Variants in GRIA4 observed in about 807,000 individuals in gnomAD.
The protein encoded by GRIA4 is glutamate receptor 4.
A neutral mutation model predicts 104.0 loss-of-function variants in GRIA4; 34 were observed. That is an observed-to-expected ratio of 0.33 (90% CI 0.25 to 0.44). The LOEUF (loss-of-function observed/expected upper bound fraction) is 0.44. Among genes scored for constraint, GRIA4 ranks in the 20% least tolerant of loss-of-function variants. The pLI is 1.00. For missense variants in GRIA4, 750 were observed against 1,096.5 expected, an observed-to-expected ratio of 0.68 and a Z score of 4.46; for synonymous variants, 386 against 381.9, an observed-to-expected ratio of 1.01 and a Z score of -0.13.
chr11:105,894,462 G>A (rs918059043), intron 6 of GRIA4, among the ~76,000 whole-genome samples: 1 of 152,024 alleles, frequency 6.6e-6, no homozygotes, highest in Admixed American at 6.6e-5. Flanking sequence ...TGTGTAATAC[G>A]CTTAGCACAA....
chr11:105,703,069 A>G (rs1953562774), intron 3 of GRIA4, among the ~76,000 whole-genome samples: 1 of 152,142 alleles, frequency 6.6e-6, no homozygotes, highest in African/African-American at 2.4e-5. Context: ...TTTTTCACAT[A>G]TAATTATGTA....
At chr11:105,699,261 T>C (rs1195049871) in intron 3 of GRIA4, among the ~76,000 whole-genome samples, 2 of 152,170 alleles carry the variant, frequency 1.3e-5, no homozygotes, top group Non-Finnish European at 2.9e-5. Flanking sequence ...GACAAACCCC[T>C]TCCTAGAAAT....
chr11:105,701,503 C>A (rs990674147), intron 3 of GRIA4, among the ~76,000 whole-genome samples: 10 of 151,946 alleles, frequency 6.6e-5, no homozygotes, highest in African/African-American at 2.2e-4. Flanking sequence ...TATTTTGAAG[C>A]ACAACACATC....
intron 4 of GRIA4, among the ~76,000 whole-genome samples, chr11:105,841,408 T>G (rs1944391438): frequency 2.6e-5 from 4 of 152,198 alleles, no homozygotes; most frequent in Admixed American, 2.6e-4. Context: ...AGCCTGTGGA[T>G]GATTGGCACT....
intron 14 of GRIA4, among the ~76,000 whole-genome samples, chr11:105,959,575 T>C (rs887880944): frequency 1.3e-5 from 2 of 152,204 alleles, no homozygotes; most frequent in Non-Finnish European, 2.9e-5. Context: ...GTAGTTTTTA[T>C]TACCTATCTT....
chr11:105,654,609 G>A (rs191488236), intron 3 of GRIA4, among the ~76,000 whole-genome samples: 36 of 152,188 alleles, frequency 2.4e-4, no homozygotes, highest in Admixed American at 5.9e-4. Context: ...AATGATTACT[G>A]TGTCAATCTG....
intron 4 of GRIA4, among the ~76,000 whole-genome samples, chr11:105,861,348 C>T (rs1945218048): frequency 6.6e-6 from 1 of 152,126 alleles, no homozygotes. Context: ...TCCGGCTACA[C>T]ACTTTTTAAA....
At chr11:105,742,193 C>G (rs1939355851) in intron 3 of GRIA4, among the ~76,000 whole-genome samples, 1 of 152,078 alleles carries the variant, frequency 6.6e-6, no homozygotes, top group Non-Finnish European at 1.5e-5. Context: ...TTTTCTCCAG[C>G]CTTCTGAAAC....
chr11:105,840,430 C>T (rs761176964), intron 4 of GRIA4, among the ~76,000 whole-genome samples: 9 of 152,114 alleles, frequency 5.9e-5, no homozygotes, highest in Non-Finnish European at 1.0e-4. Context: ...ATTCTGAAAC[C>T]GTCCCTCAAA....
At chr11:105,845,655 G>A (rs544602909) in intron 4 of GRIA4, among the ~76,000 whole-genome samples, 22 of 152,262 alleles carry the variant, frequency 1.4e-4, no homozygotes, top group African/African-American at 3.9e-4. Context: ...AGACCGAGGC[G>A]GGTAGATCGC....
At position 105,833,605 on chromosome 11, in the gene GRIA4, T is replaced by C. The variant is rs146580903; in HGVS notation, c.488-28419T>C. On this transcript the variant is annotated intron_variant, in intron 4 of 16. Transcript: ENST00000282499. Reference sequence around the variant, plus strand: ...ACAAAGGGTTAAGCAACTGATGAACTTCAAATAAATTCCAACAAAATATAT... The same window carrying C: ...ACAAAGGGTTAAGCAACTGATGAACCTCAAATAAATTCCAACAAAATATAT... 5.1e-3 allele frequency among the ~76,000 whole-genome samples: 779 copies of C among 152,152 alleles called. 3 individuals are homozygous for C. The highest frequency in any genetic ancestry group is 6.5e-3 in the Non-Finnish European group (445 of 67,948).
intron 3 of GRIA4, among the ~76,000 whole-genome samples, chr11:105,623,821 T>A (rs1263041345): frequency 6.6e-6 from 1 of 152,120 alleles, no homozygotes; most frequent in East Asian, 1.9e-4. Flanking sequence ...TACCTATTTA[T>A]CATCCATATT....
intron 4 of GRIA4, among the ~76,000 whole-genome samples, chr11:105,795,042 TATC>T (rs1448266022): frequency 6.6e-6 from 1 of 152,166 alleles, no homozygotes; most frequent in African/African-American, 2.4e-5. Context: ...TCAGGTATCT[TATC>T]ATATCACAAA....
chr11:105,876,183 T>G lies in GRIA4; in HGVS notation c.673-11336T>G, dbSNP rs190550000. 2.6e-3 allele frequency among the ~76,000 whole-genome samples: 389 copies of G among 152,328 alleles called. 1 individual carries two copies. Among genetic ancestry groups the G allele is most frequent in the Non-Finnish European group, 4.6e-3 (316 of 68,022 alleles). ...AATTTTGTTATTTACCCAGTAGTCA[T>G]TCAGGAGCAGGTTGTTCAGTTTCCA... On this transcript the variant is annotated intron_variant, in intron 5 of 16. Transcript: ENST00000282499.
intron 6 of GRIA4, among the ~76,000 whole-genome samples, chr11:105,896,887 T>C (rs1946669538): frequency 6.6e-6 from 1 of 152,268 alleles, no homozygotes; most frequent in Admixed American, 6.5e-5. Flanking sequence ...GCTTTGGCTA[T>C]TCAAGCTTTT....
intron 14 of GRIA4, among the ~76,000 whole-genome samples, chr11:105,938,405 G>T (rs1037463616): frequency 6.6e-6 from 1 of 152,208 alleles, no homozygotes; most frequent in Admixed American, 6.5e-5. Context: ...CTAGAAAAAC[G>T]TAAACGTACA....
At position 105,979,509 on chromosome 11, in the gene GRIA4, A is replaced by G. The variant is rs373106475; in HGVS notation, c.2545-66A>G. On this transcript the variant is annotated intron_variant, in intron 16 of 16. Coordinates refer to ENST00000282499, the MANE Select transcript of GRIA4 (RefSeq NM_000829.4). ...TATTTCGGTGTTTGTTGTGGAACATATTGTTGAAGAAACAGAAATATGGTA... is the reference window on the plus strand; with the variant it reads ...TATTTCGGTGTTTGTTGTGGAACATGTTGTTGAAGAAACAGAAATATGGTA... 1.6e-5 allele frequency: 22 copies of G among 1,356,394 alleles called. No homozygotes were observed. In the African/African-American group the frequency reaches 3.2e-4, roughly 20 times the overall value. 84.0% of individuals were successfully genotyped at this position (1,356,394 alleles called of 1,614,324 possible).
intron 14 of GRIA4, among the ~76,000 whole-genome samples, chr11:105,957,652 C>T (rs2435294): frequency 0.64 from 97,248 of 152,018 alleles, 31,202 homozygotes; most frequent in Middle Eastern, 0.72. Flanking sequence ...GTGAAGAAAG[C>T]CATTGGTAGC....
chr11:105,694,205 A>G (rs1953190089), intron 3 of GRIA4, among the ~76,000 whole-genome samples: 1 of 151,122 alleles, frequency 6.6e-6, no homozygotes, highest in African/African-American at 2.4e-5. Context: ...GCTGGAGTGC[A>G]GTGGTGCATT....
Sources: allele counts gnomAD v4.1 joint callset (sites outside exome capture counted in the v4.1 genomes callset), GRCh38; gene constraint gnomAD v4.1.1; transcripts MANE v1.5; gene names NCBI Gene and HGNC (gene_info 2026-07-23, HGNC 2026-07-21).